EPHA5: variants seen among roughly 807,000 people sequenced by gnomAD.
EPHA5 encodes the protein ephrin type-A receptor 5.
EPHA5 carries 60 observed loss-of-function variants against 105.0 expected under a neutral mutation model. The observed-to-expected ratio is 0.57, with a 90% CI of 0.46 to 0.71. The LOEUF is 0.71. Among genes scored for constraint, EPHA5 ranks in the 30% least tolerant of loss-of-function variants. The pLI is 0.00. For missense variants in EPHA5, 1,218 were observed against 1,274.7 expected, an observed-to-expected ratio of 0.96 and a Z score of 0.68; for synonymous variants, 513 against 449.1, an observed-to-expected ratio of 1.14 and a Z score of -1.80.
chr4:65,473,392 C>T (rs1168581155), intron 5 of EPHA5, among the ~76,000 whole-genome samples: 1 of 152,140 alleles, frequency 6.6e-6, no homozygotes, highest in Admixed American at 6.5e-5. Flanking sequence ...AAAGATACTA[C>T]CCAAGAGTGG....
chr4:65,627,486 C>A (rs934216866), intron 2 of EPHA5, among the ~76,000 whole-genome samples: 4 of 152,114 alleles, frequency 2.6e-5, no homozygotes, highest in Admixed American at 6.6e-5. Flanking sequence ...TAAAGTATCA[C>A]TTTGGGAAAT....
intron 1 of EPHA5, among the ~76,000 whole-genome samples, chr4:65,657,898 C>CAAA (rs58539913): frequency 1.6e-4 from 19 of 117,412 alleles, no homozygotes; most frequent in South Asian, 2.9e-4. Flanking sequence ...TTGGTATATG[C>CAAA]AAAAAAAAAA....
chr4:65,365,354 T>C (rs927952249), intron 10 of EPHA5, 152 bp from the exon 11 acceptor site: 1 of 644,236 alleles, frequency 1.6e-6, no homozygotes, highest in Non-Finnish European at 2.6e-6. Context: ...AAAAGGGTAG[T>C]CTACACTACA....
At chr4:65,418,854 C>T (rs774895890) in intron 6 of EPHA5, among the ~76,000 whole-genome samples, 1 of 114,224 alleles carries the variant, frequency 8.8e-6, no homozygotes, top group Non-Finnish European at 1.8e-5. Flanking sequence ...AATACACTTA[C>T]CTAAACTCTT....
At chr4:65,567,208 T>C (rs1166951386) in intron 3 of EPHA5, among the ~76,000 whole-genome samples, 1 of 151,736 alleles carries the variant, frequency 6.6e-6, no homozygotes, top group Non-Finnish European at 1.5e-5. Context: ...ATTATTTTTC[T>C]ATACAATGCA....
At chr4:65,409,483 C>A (rs1176093615) in intron 7 of EPHA5, among the ~76,000 whole-genome samples, 3 of 152,036 alleles carry the variant, frequency 2.0e-5, no homozygotes, top group African/African-American at 7.2e-5. Flanking sequence ...GCAGCATATA[C>A]TGAGAAGTCA....
intron 2 of EPHA5, among the ~76,000 whole-genome samples, chr4:65,628,856 A>G (rs767002997): frequency 3.9e-5 from 6 of 152,182 alleles, no homozygotes; most frequent in South Asian, 2.1e-4. Context: ...AAGTCCATGC[A>G]TGCCCAATAT....
chr4:65,654,428 A>C (rs1346258594), intron 1 of EPHA5, among the ~76,000 whole-genome samples: 1 of 151,836 alleles, frequency 6.6e-6, no homozygotes, highest in Non-Finnish European at 1.5e-5. Flanking sequence ...ACAAATATTT[A>C]TTGAGTATCT....
intron 3 of EPHA5, among the ~76,000 whole-genome samples, chr4:65,502,182 C>A (rs1435087652): frequency 6.6e-6 from 1 of 151,434 alleles, no homozygotes; most frequent in Non-Finnish European, 1.5e-5. Context: ...CCATTCTAGA[C>A]ATTGACTTTG....
chr4:65,420,334 G>T (rs2149035788), intron 6 of EPHA5, 107 bp downstream of exon 6: 1 of 1,108,748 alleles, frequency 9.0e-7, no homozygotes. Context: ...AATTGTCATT[G>T]ATTTACACAT....
chr4:65,430,718 C>A (rs1287259081), intron 5 of EPHA5, among the ~76,000 whole-genome samples: 2 of 152,012 alleles, frequency 1.3e-5, no homozygotes, highest in South Asian at 4.1e-4. Flanking sequence ...AGTTTGTATT[C>A]TTGAGTATTA....
rs773861301 is a variant in EPHA5, at chr4:65,601,728, G to A, written c.823C>T (p.His275Tyr). 1.2e-6 allele frequency: 2 copies of A among 1,614,008 alleles called. No homozygotes were observed. The highest frequency in any genetic ancestry group is 1.1e-5 in the South Asian group (1 of 91,086). Residue 275 changes from histidine to tyrosine, a missense_variant, in exon 3 of 17, where the codon CAC becomes TAC. Physicochemically the swap from His to Tyr is moderately conservative, Grantham distance 83 (BLOSUM62 2). This residue lies in a region of EPHA5 where 971 missense variants were observed against 1,013.5 expected (regional missense o/e 0.96). Coordinates refer to ENST00000613740, the MANE Select transcript of EPHA5 (RefSeq NM_001281766.3). Reference sequence around the variant, plus strand: ...AGCCACTCCCCTTCGGCGCTGCAGTGCATTTTGGGAGGTTCATCGGTCACA... The same window carrying A: ...AGCCACTCCCCTTCGGCGCTGCAGTACATTTTGGGAGGTTCATCGGTCACA... ...HSVTDEPPKM[H>Y]CSAEGEWLVP...
intron 5 of EPHA5, among the ~76,000 whole-genome samples, chr4:65,457,613 T>C (rs1270691579): frequency 6.6e-6 from 1 of 151,750 alleles, no homozygotes; most frequent in Non-Finnish European, 1.5e-5. Context: ...TTTTTCTATA[T>C]ATATAATTAT....
chr4:65,450,270 A>G (rs1340929399), intron 5 of EPHA5, among the ~76,000 whole-genome samples: 1 of 152,200 alleles, frequency 6.6e-6, no homozygotes, highest in African/African-American at 2.4e-5. Flanking sequence ...TCTCATTTAG[A>G]AAACAAAAGC....
At chr4:65,482,399 C>A (rs1405818612) in intron 5 of EPHA5, among the ~76,000 whole-genome samples, 14 of 151,452 alleles carry the variant, frequency 9.2e-5, no homozygotes, top group Non-Finnish European at 1.3e-4. Flanking sequence ...ATGAGCACAA[C>A]AATGCTATCT....
chr4:65,379,594 T>C (rs1375957490), intron 8 of EPHA5, among the ~76,000 whole-genome samples: 1 of 151,704 alleles, frequency 6.6e-6, no homozygotes, highest in Admixed American at 6.6e-5. Context: ...TTGATCAGTG[T>C]CTGGCATATC....
intron 8 of EPHA5, among the ~76,000 whole-genome samples, chr4:65,394,874 T>G (rs112845207): frequency 7.9e-5 from 12 of 152,116 alleles, no homozygotes; most frequent in Non-Finnish European, 1.8e-4. Context: ...CCATGTTACT[T>G]CCATTAGGCA....
intron 3 of EPHA5, among the ~76,000 whole-genome samples, chr4:65,496,399 G>T (rs1205033100): frequency 1.3e-4 from 16 of 122,186 alleles, no homozygotes; most frequent in Non-Finnish European, 1.3e-4. Flanking sequence ...CCCACCACAG[G>T]CCCCAGAGTG....
chr4:65,371,787 G>T (rs1164910074), intron 8 of EPHA5, among the ~76,000 whole-genome samples: 1 of 151,908 alleles, frequency 6.6e-6, no homozygotes, highest in Non-Finnish European at 1.5e-5. Flanking sequence ...TTAGTCTATA[G>T]AAATATACCC....
Sources: allele counts gnomAD v4.1 joint callset (sites outside exome capture counted in the v4.1 genomes callset), GRCh38; gene constraint gnomAD v4.1.1; regional missense constraint gnomAD v4.1.1; transcripts MANE v1.5; gene names NCBI Gene and HGNC (gene_info 2026-07-23, HGNC 2026-07-21).